The following MGAT4A variants were observed in gnomAD, a reference collection of about 807,000 sequenced individuals.
MGAT4A encodes N-acetylglucosaminyltransferase IVa.
A neutral mutation model predicts 74.1 loss-of-function variants in MGAT4A; 33 were observed. The ratio of observed to expected loss-of-function variants is 0.45; its 90% CI spans 0.34 to 0.60. MGAT4A has a LOEUF of 0.60. Ranked by LOEUF, MGAT4A falls within the 20% of genes least tolerant of loss-of-function variation. The pLI, the probability that MGAT4A is intolerant of heterozygous loss-of-function variation, is 0.02. For missense variants in MGAT4A, 479 were observed against 628.3 expected (o/e 0.76, Z 2.54); for synonymous variants, 198 against 210.4 (o/e 0.94, Z 0.51).
intron 14 of MGAT4A, among the ~76,000 whole-genome samples, chr2:98,634,807 G>T (rs1701292656): frequency 6.6e-6 from 1 of 151,166 alleles, no homozygotes; most frequent in African/African-American, 2.4e-5. Flanking sequence ...GCTTGTGGTA[G>T]ACGGCTATGT....
intron 2 of MGAT4A, among the ~76,000 whole-genome samples, chr2:98,683,406 C>T (rs1013501848): frequency 3.3e-5 from 5 of 152,032 alleles, no homozygotes; most frequent in South Asian, 4.1e-4. Context: ...TAAAGAGGCA[C>T]GATTTCTGCA....
chr2:98,729,291 T>C (rs546047711), intron 1 of MGAT4A, among the ~76,000 whole-genome samples: 64 of 152,334 alleles, frequency 4.2e-4, no homozygotes, highest in Non-Finnish European at 7.8e-4. Flanking sequence ...AGTAAGAATG[T>C]AGTCATACAT....
chr2:98,641,353 T>C lies in MGAT4A; in HGVS notation c.1021-1125A>G, dbSNP rs1039910529. 3.3e-5 allele frequency among the ~76,000 whole-genome samples: 5 copies of C among 151,770 alleles called. No individual in the cohort carries two copies. The East Asian group carries it at 9.7e-4, about 29-fold the overall frequency. ...CTGGCCAACGTGGTGAAACCCTGTCTCTACTAAAAATACAAAAATTGGCCA... is the reference window on the plus strand; with the variant it reads ...CTGGCCAACGTGGTGAAACCCTGTCCCTACTAAAAATACAAAAATTGGCCA... On this transcript the variant is annotated intron_variant, in intron 10 of 15. Coordinates refer to ENST00000393487, the MANE Select transcript of MGAT4A (RefSeq NM_012214.3).
Position 98,663,179 on chromosome 2 carries a change from A to G in MGAT4A, c.404T>C (p.Val135Ala). The change falls in exon 5 of 16, where the codon GTT (valine) becomes GCT (alanine). Residue 135 changes from valine to alanine, a missense_variant and splice_region_variant. Physicochemically the swap from Val to Ala is moderately conservative, Grantham distance 64. Transcript: ENST00000393487. Reference sequence around the variant, plus strand: ...TGTGGGAATGCCCATGACTATTGAAACTGGAAAAAAAAATAGTAATTATAT... The same window carrying G: ...TGTGGGAATGCCCATGACTATTGAAGCTGGAAAAAAAAATAGTAATTATAT... ...AVQIGNGRTG[V>A]SIVMGIPTVK... is the part of the protein sequence containing the mutation. 6.4e-7 allele frequency: 1 copy of G among 1,571,450 alleles called. No individual in the cohort carries two copies.
intron 2 of MGAT4A, among the ~76,000 whole-genome samples, chr2:98,718,044 C>T (rs1351203154): frequency 2.0e-5 from 3 of 152,194 alleles, no homozygotes; most frequent in Admixed American, 2.0e-4. Context: ...CAATAAAATG[C>T]TTCGTCTGGT....
intron 4 of MGAT4A, among the ~76,000 whole-genome samples, chr2:98,667,263 C>T (rs1371759709): frequency 6.6e-6 from 1 of 152,096 alleles, no homozygotes; most frequent in Non-Finnish European, 1.5e-5. Context: ...TGAAAATAGA[C>T]TAATACAGTA....
At chr2:98,696,189 C>T (rs1702273198) in intron 2 of MGAT4A, among the ~76,000 whole-genome samples, 1 of 152,146 alleles carries the variant, frequency 6.6e-6, no homozygotes, top group South Asian at 2.1e-4. Flanking sequence ...AGCCAACTTC[C>T]TAATTTCTAC....
chr2:98,634,168 G>A (rs1200563071), intron 14 of MGAT4A, among the ~76,000 whole-genome samples: 2 of 152,160 alleles, frequency 1.3e-5, no homozygotes, highest in Non-Finnish European at 2.9e-5. Flanking sequence ...GTTAACTACA[G>A]GACATACAGG....
At chr2:98,685,069 T>G (rs1702110309) in intron 2 of MGAT4A, among the ~76,000 whole-genome samples, 2 of 151,996 alleles carry the variant, frequency 1.3e-5, no homozygotes, top group South Asian at 4.2e-4. Context: ...AGACCTTGTC[T>G]CTACAACAAA....
Position 98,658,126 on chromosome 2 carries a change from G to T in MGAT4A, c.584+92C>A, listed in dbSNP as rs538789023. On this transcript the variant is annotated intron_variant, in intron 6 of 15. Coordinates refer to ENST00000393487, the MANE Select transcript of MGAT4A (RefSeq NM_012214.3). Reference sequence around the variant, plus strand: ...TAAACAATGAACTCCACAGAGAAATGAACTATCAAGGAAGGCATTTTCTTT... The same window carrying T: ...TAAACAATGAACTCCACAGAGAAATTAACTATCAAGGAAGGCATTTTCTTT... 6.3e-6 allele frequency: 5 copies of T among 788,710 alleles called. No individual in the cohort carries two copies. The South Asian group carries it at 7.9e-5, about 13-fold the overall frequency. The allele number at this position is 788,710 out of a possible 1,614,324, so 48.9% of individuals were successfully genotyped here.
At chr2:98,667,179 A>T (rs142978695) in intron 4 of MGAT4A, among the ~76,000 whole-genome samples, 1 of 152,196 alleles carries the variant, frequency 6.6e-6, no homozygotes, top group East Asian at 1.9e-4. Context: ...CCCTAGCCAC[A>T]TGGAACTGTA....
At chr2:98,645,082 T>C (rs997408887) in intron 9 of MGAT4A, among the ~76,000 whole-genome samples, 2 of 152,236 alleles carry the variant, frequency 1.3e-5, no homozygotes, top group African/African-American at 4.8e-5. Flanking sequence ...ACTAGGAATT[T>C]ATATGAGAAA....
intron 2 of MGAT4A, chr2:98,725,816 A>C (rs1451759266): frequency 4.7e-6 from 1 of 213,244 alleles, no homozygotes; most frequent in Non-Finnish European, 9.2e-6. Flanking sequence ...GCACCCAATC[A>C]TTAGCATAAT....
intron 1 of MGAT4A, among the ~76,000 whole-genome samples, chr2:98,727,917 C>A (rs1250398135): frequency 6.6e-6 from 1 of 152,112 alleles, no homozygotes; most frequent in African/African-American, 2.4e-5. Context: ...CTGTTCTACA[C>A]ACAAGGAAAT....
chr2:98,650,127 A>C (rs1029401598), intron 8 of MGAT4A, among the ~76,000 whole-genome samples: 2 of 152,220 alleles, frequency 1.3e-5, no homozygotes, highest in Admixed American at 6.5e-5. Context: ...AAGAATACAA[A>C]ACCTGAATTG....
At chr2:98,708,930 CTCA>C (rs1263803961) in intron 2 of MGAT4A, among the ~76,000 whole-genome samples, 1 of 152,188 alleles carries the variant, frequency 6.6e-6, no homozygotes, top group Non-Finnish European at 1.5e-5. Flanking sequence ...ATCCCAGAAG[CTCA>C]TCTGTGGAGG....
chr2:98,718,088 T>C (rs1043648527), intron 2 of MGAT4A, among the ~76,000 whole-genome samples: 1 of 152,270 alleles, frequency 6.6e-6, no homozygotes, highest in Admixed American at 6.5e-5. Flanking sequence ...ATGAATCTGA[T>C]CTTTTCTTGC....
intron 10 of MGAT4A, among the ~76,000 whole-genome samples, chr2:98,642,072 A>C (rs1019605466): frequency 6.6e-6 from 1 of 152,152 alleles, no homozygotes; most frequent in Non-Finnish European, 1.5e-5. Flanking sequence ...CTACTTCTCA[A>C]GAGGTTTCAC....
intron 1 of MGAT4A, among the ~76,000 whole-genome samples, chr2:98,728,593 C>T (rs1283603941): frequency 6.6e-6 from 1 of 151,870 alleles, no homozygotes; most frequent in Non-Finnish European, 1.5e-5. Context: ...ATTAAAAATA[C>T]AAAAATTAGC....
Sources: gnomAD v4.1 joint callset for allele counts (sites outside exome capture counted in the v4.1 genomes callset) on GRCh38, gnomAD v4.1.1 for gene constraint, MANE v1.5 for transcripts, NCBI Gene and HGNC (gene_info 2026-07-23, HGNC 2026-07-21) for gene names.